Variants in KLHL13 observed in about 807,000 individuals in gnomAD.
KLHL13 encodes kelch like family member 13.
In KLHL13, 10 loss-of-function variants were observed where a neutral mutation model predicts 37.1. The ratio of observed to expected loss-of-function variants is 0.27; its 90% CI spans 0.17 to 0.46. KLHL13 has a LOEUF of 0.46. Ranked by LOEUF, KLHL13 falls within the 20% of genes least tolerant of loss-of-function variation. The probability of loss-of-function intolerance (pLI) is 1.00; values close to 1 mark genes in which losing one functional copy is unlikely to be tolerated. For synonymous variants in KLHL13, 163 were observed against 181.2 expected (o/e 0.90, Z 0.81); for missense variants, 360 against 509.3 (o/e 0.71, Z 2.82).
intron 1 of KLHL13, among the ~76,000 whole-genome samples, chrX:118,081,868 A>G (rs147621119): frequency 0.011 from 1,197 of 109,911 alleles, 16 homozygotes; most frequent in African/African-American, 0.037. Flanking sequence ...ACTTAACATA[A>G]TGACCCCCAG....
intron 2 of KLHL13, among the ~76,000 whole-genome samples, chrX:117,944,713 T>C (rs1222488980): frequency 2.7e-5 from 3 of 111,470 alleles, no homozygotes; most frequent in Non-Finnish European, 5.7e-5. Flanking sequence ...GGACATCCAG[T>C]ACCATATTGC....
chrX:118,036,616 G>A (rs1206046093), intron 1 of KLHL13, among the ~76,000 whole-genome samples: 7 of 111,805 alleles, frequency 6.3e-5, no homozygotes, highest in Admixed American at 4.8e-4. Context: ...AGACTTAAAT[G>A]TTAGACCCAA....
chrX:118,053,384 G>C (rs770631951), intron 1 of KLHL13, among the ~76,000 whole-genome samples: 1 of 111,434 alleles, frequency 9.0e-6, no homozygotes, highest in African/African-American at 3.3e-5. Context: ...GCAAACTATT[G>C]CAAGGACAAA....
Position 117,985,150 on chromosome X carries a change from A to G in KLHL13, c.-55-39575T>C, listed in dbSNP as rs182732453. On this transcript the variant is annotated intron_variant, in intron 1 of 6. Coordinates refer to the KLHL13 transcript ENST00000371882. ...ATACATCTAAAATTGATTTTTGTAT[A>G]TCGCTTCACAGCCACATATGGAAAT... The G allele has an allele frequency of 6.2e-4, 383 of 613,851 alleles. 2 individuals are homozygous for G. The African/African-American group carries it at 7.5e-3, about 12-fold the overall frequency. The allele number at this position is 613,851 out of a possible 1,213,427, so 50.6% of individuals were successfully genotyped here. A position where few individuals can be genotyped will look rare whatever the true frequency, so the allele number is the denominator to read the frequency against.
At chrX:117,983,425 A>G in intron 1 of KLHL13, 1 of 748,453 alleles carries the variant, frequency 1.3e-6, no homozygotes, top group Middle Eastern at 3.0e-4. Flanking sequence ...CATGAAAACC[A>G]ATTCGCACTG....
At chrX:118,110,077 T>C (rs926853739) in intron 1 of KLHL13, among the ~76,000 whole-genome samples, 1 of 111,386 alleles carries the variant, frequency 9.0e-6, no homozygotes, top group African/African-American at 3.3e-5. Flanking sequence ...TTGTTTTAGT[T>C]TAGTTAGAAA....
intron 2 of KLHL13, among the ~76,000 whole-genome samples, chrX:117,935,109 A>C (rs1932710594): frequency 8.9e-6 from 1 of 112,643 alleles, no homozygotes; most frequent in South Asian, 3.6e-4. Flanking sequence ...GGATCCAGTA[A>C]TTCCACTCTA....
intron 1 of KLHL13, among the ~76,000 whole-genome samples, chrX:118,064,580 T>C (rs1367794742): frequency 8.9e-6 from 1 of 112,152 alleles, no homozygotes. Context: ...GGAGAAATGA[T>C]TATCATATGT....
upstream of KLHL13, among the ~76,000 whole-genome samples, chrX:117,978,656 T>C (rs904748844): frequency 5.4e-5 from 6 of 111,268 alleles, no homozygotes; most frequent in Non-Finnish European, 1.1e-4. Context: ...GGGGACCCGA[T>C]GATCCACAGA....
chrX:117,915,535 T>TA (rs1931289138), intron 4 of KLHL13, among the ~76,000 whole-genome samples: 1 of 111,821 alleles, frequency 8.9e-6, no homozygotes, highest in Non-Finnish European at 1.9e-5. Context: ...AAAACACAAT[T>TA]AAAAAATTAT....
intron 1 of KLHL13, among the ~76,000 whole-genome samples, chrX:118,055,992 C>A (rs911823449): frequency 9.0e-6 from 1 of 110,694 alleles, no homozygotes; most frequent in Non-Finnish European, 1.9e-5. Flanking sequence ...AAAAAAGGCA[C>A]CCATATTGGA....
chrX:118,087,852 T>C (rs1208238128), intron 1 of KLHL13, among the ~76,000 whole-genome samples: 1 of 111,590 alleles, frequency 9.0e-6, no homozygotes, highest in East Asian at 2.8e-4. Context: ...AGAATCTGAA[T>C]TCAAGTCCCA....
At chrX:118,103,032 C>A (rs778729631) in intron 1 of KLHL13, among the ~76,000 whole-genome samples, 1 of 111,910 alleles carries the variant, frequency 8.9e-6, no homozygotes, top group African/African-American at 3.2e-5. Context: ...TTTCTAATGT[C>A]TTTTAACATA....
chrX:118,049,059 G>A (rs2054588824), intron 1 of KLHL13, among the ~76,000 whole-genome samples: 1 of 111,800 alleles, frequency 8.9e-6, no homozygotes, highest in South Asian at 3.7e-4. Flanking sequence ...AAAACCCACT[G>A]TATCACTCTT....
chrX:118,038,125 A>G (rs780635354), intron 1 of KLHL13, among the ~76,000 whole-genome samples: 7 of 112,322 alleles, frequency 6.2e-5, no homozygotes, highest in Non-Finnish European at 9.4e-5. Context: ...AAAATTGAAA[A>G]GATTACATCT....
At chrX:117,932,410 C>T (rs1451548727) in intron 2 of KLHL13, among the ~76,000 whole-genome samples, 1 of 111,043 alleles carries the variant, frequency 9.0e-6, no homozygotes, top group African/African-American at 3.3e-5. Context: ...TTTTTAGATT[C>T]CAAATATGAG....
At chrX:118,074,386 C>T (rs1192138963) in intron 1 of KLHL13, among the ~76,000 whole-genome samples, 1 of 111,723 alleles carries the variant, frequency 9.0e-6, no homozygotes, top group Non-Finnish European at 1.9e-5. Flanking sequence ...ATTTGTTGGC[C>T]TCATCCTGCT....
At chrX:117,978,801 T>TC (rs1314763593) in intron 1 of KLHL13, among the ~76,000 whole-genome samples, 1 of 107,902 alleles carries the variant, frequency 9.3e-6, no homozygotes, top group Non-Finnish European at 1.9e-5. Context: ...TTCTTTTTTT[T>TC]TTTTTTTCTA....
rs777795248 is a variant in KLHL13 at position 118,101,450 on chromosome X, C to T, written c.-56+15058G>A. The stretch of plus-strand genomic sequence containing the variant: ...GGAGAGAGACAGAGAAGGAAAAACA[C>T]TACTTGTAATACAGGTTGCTAAAGA... On this transcript the variant is annotated intron_variant, in intron 1 of 6. Coordinates refer to the KLHL13 transcript ENST00000371882. 1.2e-4 allele frequency among the ~76,000 whole-genome samples: 13 copies of T among 111,543 alleles called. No homozygotes were observed. In the East Asian group the frequency reaches 3.7e-3, roughly 32 times the overall value.
Sources: allele counts gnomAD v4.1 joint callset (sites outside exome capture counted in the v4.1 genomes callset), GRCh38; gene constraint gnomAD v4.1.1; transcripts MANE v1.5; gene names NCBI Gene and HGNC (gene_info 2026-07-23, HGNC 2026-07-21).